CDH18: variants seen among roughly 807,000 people sequenced by gnomAD.
CDH18 encodes the protein cadherin 18.
In CDH18, 31 loss-of-function variants were observed where a neutral mutation model predicts 67.9. The observed-to-expected ratio is 0.46, with a 90% CI of 0.34 to 0.62. The LOEUF is 0.62. Among genes scored for constraint, CDH18 ranks in the 20% least tolerant of loss-of-function variants. The probability of loss-of-function intolerance (pLI) is 0.01; values close to 1 mark genes in which losing one functional copy is unlikely to be tolerated. For synonymous variants in CDH18, 362 were observed against 347.2 expected (o/e 1.04, Z -0.48); for missense variants, 890 against 975.5 (o/e 0.91, Z 1.17).
intron 7 of CDH18, among the ~76,000 whole-genome samples, chr5:19,578,600 T>G (rs1267218164): frequency 6.6e-6 from 1 of 151,918 alleles, no homozygotes; most frequent in Non-Finnish European, 1.5e-5. Flanking sequence ...TTGTTTACTA[T>G]TCTTTATTCC....
At chr5:20,193,316 A>G (rs1738695418) in intron 2 of CDH18, among the ~76,000 whole-genome samples, 1 of 152,170 alleles carries the variant, frequency 6.6e-6, no homozygotes, top group Admixed American at 6.6e-5. Context: ...ACCTCCATGT[A>G]AATAAACTAG....
intron 2 of CDH18, among the ~76,000 whole-genome samples, chr5:20,012,794 AAC>A (rs778991505): frequency 5.1e-4 from 77 of 152,148 alleles, no homozygotes; most frequent in Middle Eastern, 3.4e-3. Context: ...TCAGCAAACT[AAC>A]ATAGGAACAG....
intron 3 of CDH18, among the ~76,000 whole-genome samples, chr5:19,822,893 C>G (rs1054155253): frequency 5.9e-5 from 9 of 152,148 alleles, no homozygotes; most frequent in African/African-American, 9.7e-5. Context: ...CTATGGGAGA[C>G]TGGGGCTTAT....
chr5:20,304,922 T>A, intron 1 of CDH18: 2 of 1,613,380 alleles, frequency 1.2e-6, no homozygotes, highest in East Asian at 4.5e-5. Flanking sequence ...AGGGGGTTTG[T>A]ATTCACGTGC....
chr5:19,873,425 A>C (rs1786550794), intron 2 of CDH18, among the ~76,000 whole-genome samples: 2 of 152,112 alleles, frequency 1.3e-5, no homozygotes, highest in Admixed American at 1.3e-4. Context: ...TGTTAACCAT[A>C]CCATAAAATA....
At chr5:20,103,582 A>T (rs1232176452) in intron 2 of CDH18, among the ~76,000 whole-genome samples, 1 of 150,648 alleles carries the variant, frequency 6.6e-6, no homozygotes, top group African/African-American at 2.4e-5. Context: ...AAAAAAAAAA[A>T]AAAAGCTGGG....
intron 2 of CDH18, among the ~76,000 whole-genome samples, chr5:20,108,483 A>G (rs900867885): frequency 6.6e-6 from 1 of 152,080 alleles, no homozygotes; most frequent in Non-Finnish European, 1.5e-5. Flanking sequence ...GGTAGACGCA[A>G]TTTAGCCCAT....
intron 2 of CDH18, among the ~76,000 whole-genome samples, chr5:19,999,196 G>C (rs138549306): frequency 1.3e-5 from 2 of 151,708 alleles, no homozygotes; most frequent in Non-Finnish European, 2.9e-5. Context: ...GGCTTTTCAC[G>C]ACATTGAAGG....
At chr5:20,295,314 G>A (rs1037789846) in intron 1 of CDH18, among the ~76,000 whole-genome samples, 3 of 152,110 alleles carry the variant, frequency 2.0e-5, no homozygotes, top group Non-Finnish European at 4.4e-5. Context: ...ATCATGGCAG[G>A]AATCAACCGG....
At chr5:19,920,510 C>CTTTTT (rs66464033) in intron 2 of CDH18, among the ~76,000 whole-genome samples, 1 of 83,008 alleles carries the variant, frequency 1.2e-5, no homozygotes, top group African/African-American at 4.0e-5. Flanking sequence ...TTTAACCTTA[C>CTTTTT]TTTTTTTTTT....
intron 12 of CDH18, among the ~76,000 whole-genome samples, chr5:19,475,703 C>T (rs920772830): frequency 1.3e-5 from 2 of 151,946 alleles, no homozygotes; most frequent in African/African-American, 4.8e-5. Context: ...TATACACATA[C>T]ATACCTATAT....
upstream of CDH18, among the ~76,000 whole-genome samples, chr5:19,993,128 A>C (rs1800075291): frequency 6.6e-6 from 1 of 152,160 alleles, no homozygotes; most frequent in Admixed American, 6.5e-5. Context: ...AATTTCATAA[A>C]GGATCTTGAA....
chr5:19,771,819 A>G (rs561409062), intron 3 of CDH18, among the ~76,000 whole-genome samples: 54 of 152,302 alleles, frequency 3.5e-4, no homozygotes, highest in African/African-American at 1.2e-3. Context: ...AGAGAAATCA[A>G]ATAGGCAGTT....
At chr5:19,973,282 T>C (rs929093146) in intron 2 of CDH18, among the ~76,000 whole-genome samples, 1 of 152,076 alleles carries the variant, frequency 6.6e-6, no homozygotes, top group Non-Finnish European at 1.5e-5. Context: ...AAAGGTTATA[T>C]CTGGGGAAGA....
chr5:20,512,486 A>G (rs560041728), intron 1 of CDH18, among the ~76,000 whole-genome samples: 1 of 152,298 alleles, frequency 6.6e-6, no homozygotes, highest in South Asian at 2.1e-4. Context: ...TGTGACTGCT[A>G]TAAGATACTT....
At chr5:19,989,779 A>G (rs1799878349), upstream of CDH18, among the ~76,000 whole-genome samples, 2 of 152,166 alleles carry the variant, frequency 1.3e-5, no homozygotes, top group South Asian at 4.1e-4. Context: ...AATTTGATTT[A>G]GCTTTCGGAA....
chr5:19,569,595 T>C (rs1741016032), intron 8 of CDH18, among the ~76,000 whole-genome samples: 1 of 152,142 alleles, frequency 6.6e-6, no homozygotes, highest in Admixed American at 6.6e-5. Context: ...ACATGTATAA[T>C]TCTTTATCAT....
At chr5:19,634,897 A>G (rs1038885455) in intron 5 of CDH18, among the ~76,000 whole-genome samples, 1 of 150,986 alleles carries the variant, frequency 6.6e-6, no homozygotes, top group African/African-American at 2.4e-5. Flanking sequence ...AGATCACACC[A>G]TTGCACTCCA....
At chr5:19,785,829 ACTTAT>A (rs1775723045) in intron 3 of CDH18, among the ~76,000 whole-genome samples, 1 of 149,206 alleles carries the variant, frequency 6.7e-6, no homozygotes, top group Admixed American at 6.7e-5. Flanking sequence ...ACATAAAAAC[ACTTAT>A]CTTAGGCTGT....
Sources: allele counts gnomAD v4.1 joint callset (sites outside exome capture counted in the v4.1 genomes callset), GRCh38; gene constraint gnomAD v4.1.1; transcripts MANE v1.5; gene names NCBI Gene and HGNC (gene_info 2026-07-23, HGNC 2026-07-21).